Variants in PTPRT observed in about 807,000 individuals in gnomAD.
The protein encoded by PTPRT is receptor-type tyrosine-protein phosphatase T.
A neutral mutation model predicts 176.8 loss-of-function variants in PTPRT; 56 were observed. That is an observed-to-expected ratio of 0.32 (90% CI 0.26 to 0.40). The LOEUF is 0.40. Ranked by LOEUF, PTPRT falls within the 10% of genes least tolerant of loss-of-function variation. The pLI is 1.00. For missense variants in PTPRT, 1,540 were observed against 1,908.2 expected (o/e 0.81, Z 3.60); for synonymous variants, 783 against 739.0 (o/e 1.06, Z -0.96).
intron 15 of PTPRT, among the ~76,000 whole-genome samples, chr20:42,212,184 T>A (rs2146742566): frequency 7.1e-6 from 1 of 141,504 alleles, no homozygotes; most frequent in African/African-American, 2.6e-5. Flanking sequence ...CATTGGGAGA[T>A]ATACCTAATG....
rs144972824 is a variant in PTPRT at position 42,892,425 on chromosome 20, G to A, written c.89-6493C>T. ...ACACTCTGTGTGTTCACAGAATCTG[G>A]TCTCACCATGATGCTTCCAGAATAG... On this transcript the variant is annotated intron_variant, in intron 1 of 30. Transcript: ENST00000373187. 6.8e-3 allele frequency among the ~76,000 whole-genome samples: 1,037 copies of A among 151,996 alleles called. 4 individuals carry two copies. The highest frequency in any genetic ancestry group is 0.011 in the Non-Finnish European group (742 of 67,992).
At chr20:42,596,493 C>T (rs1424769535) in intron 7 of PTPRT, among the ~76,000 whole-genome samples, 1 of 152,172 alleles carries the variant, frequency 6.6e-6, no homozygotes, top group Non-Finnish European at 1.5e-5. Context: ...CGCTCATATC[C>T]CTCCTCACCA....
intron 17 of PTPRT, among the ~76,000 whole-genome samples, chr20:42,151,125 GA>G (rs1224580033): frequency 7.6e-6 from 1 of 131,830 alleles, no homozygotes; most frequent in Non-Finnish European, 1.6e-5. Context: ...AAACATCAAG[GA>G]TTTTTTTTTT....
intron 13 of PTPRT, among the ~76,000 whole-genome samples, chr20:42,276,341 T>C (rs1482897773): frequency 1.3e-5 from 2 of 150,522 alleles, no homozygotes; most frequent in Non-Finnish European, 3.0e-5. Context: ...CTGTATCCAT[T>C]TGACAAACGG....
At chr20:42,578,468 G>C (rs780416613) in intron 7 of PTPRT, among the ~76,000 whole-genome samples, 5 of 152,074 alleles carry the variant, frequency 3.3e-5, no homozygotes, top group Non-Finnish European at 7.4e-5. Context: ...CTAATAGATA[G>C]CCAGCAAATG....
chr20:42,542,118 G>T (rs2072594222), intron 7 of PTPRT, among the ~76,000 whole-genome samples: 1 of 152,132 alleles, frequency 6.6e-6, no homozygotes, highest in African/African-American at 2.4e-5. Flanking sequence ...TTGTGTCTTT[G>T]CTCTTCCTCT....
intron 1 of PTPRT, among the ~76,000 whole-genome samples, chr20:42,958,492 G>T (rs1221666168): frequency 6.6e-6 from 1 of 150,744 alleles, no homozygotes; most frequent in East Asian, 2.0e-4. Context: ...AGAAAAGGAA[G>T]GAAGAAAGGA....
rs539162043 is a variant in PTPRT, at chr20:42,079,437, C to A, written c.*1442G>T. On this transcript the variant is annotated 3_prime_UTR_variant, in exon 31 of 31. Coordinates refer to ENST00000373187, the MANE Select transcript of PTPRT (RefSeq NM_007050.6). The stretch of plus-strand genomic sequence containing the variant: ...CAGGATTTCATTACTAAGGAAGGTG[C>A]GTGGGTTTCCTCATTGGAGGAGATG... The A allele has an allele frequency of 4.6e-6, 1 of 218,754 alleles. No homozygotes were observed. Among genetic ancestry groups the A allele is most frequent in the Admixed American group, 5.8e-5 (1 of 17,246 alleles). The allele number at this position is 218,754 out of a possible 1,614,324, so 13.6% of individuals were successfully genotyped here. A position where few individuals can be genotyped will look rare whatever the true frequency, so the allele number is the denominator to read the frequency against.
chr20:42,386,540 G>A (rs1381837385), intron 9 of PTPRT, among the ~76,000 whole-genome samples: 2 of 152,058 alleles, frequency 1.3e-5, no homozygotes, highest in African/African-American at 4.8e-5. Flanking sequence ...TTCATTTTTG[G>A]ACATCTATGG....
chr20:42,361,284 T>C (rs2058428536), intron 9 of PTPRT, among the ~76,000 whole-genome samples: 1 of 152,196 alleles, frequency 6.6e-6, no homozygotes, highest in Admixed American at 6.5e-5. Context: ...CCCAAGGTGG[T>C]GAAGGTCTTG....
rs113033589 is a variant in PTPRT at position 42,610,363 on chromosome 20, C to T, written c.1153+67503G>A. 8.3e-3 allele frequency among the ~76,000 whole-genome samples: 1,225 copies of T among 147,896 alleles called. 18 individuals are homozygous for T. The highest frequency in any genetic ancestry group is 0.029 in the African/African-American group (1,159 of 39,716). Reference sequence around the variant, plus strand: ...TTAAGGACATAAATATGTAGATCTGCGGGTTTACTTGTTTTGTTTTTTTTT... The same window carrying T: ...TTAAGGACATAAATATGTAGATCTGTGGGTTTACTTGTTTTGTTTTTTTTT... On this transcript the variant is annotated intron_variant, in intron 7 of 30. Transcript: ENST00000373187.
At chr20:43,015,340 A>G (rs1173667943) in intron 1 of PTPRT, among the ~76,000 whole-genome samples, 1 of 152,204 alleles carries the variant, frequency 6.6e-6, no homozygotes, top group African/African-American at 2.4e-5. Flanking sequence ...GGCCAAACTT[A>G]CAAAACAGAA....
At chr20:43,054,009 G>A (rs951102974) in intron 1 of PTPRT, among the ~76,000 whole-genome samples, 5 of 152,002 alleles carry the variant, frequency 3.3e-5, no homozygotes, top group East Asian at 3.9e-4. Flanking sequence ...CCTCAGACTC[G>A]CCTAGTCTCA....
intron 1 of PTPRT, among the ~76,000 whole-genome samples, chr20:42,955,429 T>C (rs1268283212): frequency 6.6e-6 from 1 of 152,178 alleles, no homozygotes; most frequent in African/African-American, 2.4e-5. Flanking sequence ...GTGGAACACA[T>C]TCTGGAAAGC....
intron 2 of PTPRT, among the ~76,000 whole-genome samples, chr20:42,871,351 A>G (rs1448360571): frequency 6.7e-6 from 1 of 149,786 alleles, no homozygotes; most frequent in Admixed American, 6.7e-5. Context: ...TTGTTTTGTT[A>G]TTGTTGAGTG....
At chr20:42,722,905 C>A (rs2076324466) in intron 6 of PTPRT, among the ~76,000 whole-genome samples, 1 of 152,188 alleles carries the variant, frequency 6.6e-6, no homozygotes, top group African/African-American at 2.4e-5. Flanking sequence ...CAAACTTTAA[C>A]AAGTCTGCAG....
chr20:43,081,850 T>C (rs2011452112), intron 1 of PTPRT, among the ~76,000 whole-genome samples: 1 of 152,222 alleles, frequency 6.6e-6, no homozygotes, highest in African/African-American at 2.4e-5. Flanking sequence ...AAGAAAATTA[T>C]ATTCAAATCT....
At chr20:43,110,500 T>G (rs1037821067) in intron 1 of PTPRT, among the ~76,000 whole-genome samples, 1 of 152,116 alleles carries the variant, frequency 6.6e-6, no homozygotes, top group Admixed American at 6.5e-5. Flanking sequence ...GAGGTTACCT[T>G]TGGGGAGAAC....
At chr20:42,798,915 C>A (rs1013117094) in intron 2 of PTPRT, among the ~76,000 whole-genome samples, 23 of 152,002 alleles carry the variant, frequency 1.5e-4, no homozygotes, top group Non-Finnish European at 2.1e-4. Flanking sequence ...CTAACCGGTG[C>A]TGGATACCCT....
Sources: gnomAD v4.1 joint callset for allele counts (sites outside exome capture counted in the v4.1 genomes callset) on GRCh38, gnomAD v4.1.1 for gene constraint, MANE v1.5 for transcripts, NCBI Gene and HGNC (gene_info 2026-07-23, HGNC 2026-07-21) for gene names.